CTNNA3: variants seen among roughly 807,000 people sequenced by gnomAD.
CTNNA3 encodes the protein catenin alpha-3.
In CTNNA3, 76 loss-of-function variants were observed where a neutral mutation model predicts 95.7. The ratio of observed to expected loss-of-function variants is 0.79; its 90% confidence interval spans 0.66 to 0.96. The LOEUF (loss-of-function observed/expected upper bound fraction) is 0.96. Ranked by LOEUF, CTNNA3 falls within the 40% of genes least tolerant of loss-of-function variation. The probability of loss-of-function intolerance (pLI) is 0.00; values close to 1 mark genes in which losing one functional copy is unlikely to be tolerated. For missense variants in CTNNA3, 1,191 were observed against 1,089.8 expected (o/e 1.09, Z -1.31); for synonymous variants, 431 against 374.4 (o/e 1.15, Z -1.74).
chr10:67,562,320 C>A (rs185813574), intron 3 of CTNNA3, among the ~76,000 whole-genome samples: 1 of 152,148 alleles, frequency 6.6e-6, no homozygotes, highest in Admixed American at 6.6e-5. Context: ...CGCTGGGATG[C>A]AAGGCTGGTT....
intron 5 of CTNNA3, among the ~76,000 whole-genome samples, chr10:67,432,390 C>T (rs562935874): frequency 5.9e-5 from 9 of 151,910 alleles, no homozygotes; most frequent in South Asian, 2.1e-4. Flanking sequence ...CTTAAAACAA[C>T]GTAAATTTAT....
chr10:66,600,884 GA>G (rs1439989434), intron 10 of CTNNA3, among the ~76,000 whole-genome samples: 3 of 151,864 alleles, frequency 2.0e-5, no homozygotes, highest in Non-Finnish European at 4.4e-5. Flanking sequence ...AGGGGTAGTA[GA>G]AAAGTCTATG....
chr10:67,391,851 T>C (rs911035732), intron 5 of CTNNA3, among the ~76,000 whole-genome samples: 1 of 151,530 alleles, frequency 6.6e-6, no homozygotes, highest in Non-Finnish European at 1.5e-5. Flanking sequence ...TGGCTACCCA[T>C]TTGTAGAAAG....
rs769594143 is a variant in CTNNA3, at chr10:67,606,873, C to G, written c.276G>C (p.Glu92Asp). The change falls in exon 3 of 18, where the codon GAG becomes GAC. Residue 92 changes from glutamate to aspartate, a missense_variant. Transcript: ENST00000433211. ...VLKDELTASL[E>D]EVRKESEALK... ...AGTACTCACTTTCTTTGCGAACTTC[C>G]TCAAGTGAAGCCGTAAGCTCATCCT... is the stretch of plus-strand genomic sequence containing the variant. 6.2e-7 allele frequency: 1 copy of G among 1,613,446 alleles called. No individual in the cohort carries two copies. The highest frequency in any genetic ancestry group is 8.5e-7 in the Non-Finnish European group (1 of 1,179,676).
intron 17 of CTNNA3, among the ~76,000 whole-genome samples, chr10:65,925,886 T>C (rs1047480270): frequency 8.5e-5 from 13 of 152,100 alleles, no homozygotes; most frequent in African/African-American, 2.9e-4. Context: ...TTATCACTTC[T>C]TAAGCCATCT....
At chr10:67,586,850 A>T (rs1355838780) in intron 3 of CTNNA3, among the ~76,000 whole-genome samples, 5 of 151,998 alleles carry the variant, frequency 3.3e-5, no homozygotes, top group Admixed American at 6.6e-5. Flanking sequence ...TCTAGTTTTT[A>T]AAAAAATTCT....
chr10:66,129,612 A>G (rs1471134187), intron 13 of CTNNA3, among the ~76,000 whole-genome samples: 1 of 152,126 alleles, frequency 6.6e-6, no homozygotes, highest in Non-Finnish European at 1.5e-5. Context: ...GGCAACCCTC[A>G]GTCTACTGGC....
intron 11 of CTNNA3, among the ~76,000 whole-genome samples, chr10:66,435,670 C>G (rs1303693322): frequency 6.6e-6 from 1 of 151,640 alleles, no homozygotes; most frequent in Non-Finnish European, 1.5e-5. Flanking sequence ...TTTTGTGTCT[C>G]TATCTCCTTC....
chr10:67,070,974 A>G (rs1306103650), intron 7 of CTNNA3, among the ~76,000 whole-genome samples: 1 of 152,196 alleles, frequency 6.6e-6, no homozygotes, highest in African/African-American at 2.4e-5. Flanking sequence ...AGGAATTGCA[A>G]CATGCATTCT....
At chr10:66,149,327 T>C (rs1279492343) in intron 13 of CTNNA3, among the ~76,000 whole-genome samples, 3 of 150,472 alleles carry the variant, frequency 2.0e-5, no homozygotes, top group Non-Finnish European at 4.4e-5. Context: ...ATACATAAGA[T>C]TAAAGTCAAC....
intron 5 of CTNNA3, among the ~76,000 whole-genome samples, chr10:67,478,168 T>C (rs895321548): frequency 3.9e-5 from 6 of 152,180 alleles, no homozygotes; most frequent in South Asian, 4.1e-4. Flanking sequence ...AACAAAGTCA[T>C]TGAGAATTAG....
In CTNNA3 at chr10:66,551,193, T is replaced by C. The variant is rs1473567251; in HGVS notation, c.1375-30420A>G. On this transcript the variant is annotated intron_variant, in intron 10 of 17. Transcript: ENST00000433211. ...TCTGGAAGGTAATAATTTTTCTCAA[T>C]TTTTATTTTACCTCCCTTCCTGAAT... Among the ~76,000 whole-genome samples, 6 of 152,284 alleles carry C rather than the reference T, an allele frequency of 3.9e-5. No homozygotes were observed. In the East Asian group the frequency reaches 1.2e-3, roughly 29 times the overall value.
At chr10:66,409,741 T>A (rs920236658) in intron 11 of CTNNA3, among the ~76,000 whole-genome samples, 8 of 152,262 alleles carry the variant, frequency 5.3e-5, no homozygotes, top group African/African-American at 1.9e-4. Context: ...ATCGATAATA[T>A]TTTTATAGTT....
Position 66,336,152 on chromosome 10 carries a change from C to T in CTNNA3, c.1732+43000G>A, listed in dbSNP as rs563350504. ...GTCACCCCTTTCTTTGACTAGGAAA[C>T]GGAATTCCCTGACCCCTTGTGCTTC... On this transcript the variant is annotated intron_variant, in intron 12 of 17. Transcript: ENST00000433211. 7.9e-5 allele frequency among the ~76,000 whole-genome samples: 12 copies of T among 151,598 alleles called. No homozygotes were observed. In the South Asian group the frequency reaches 8.4e-4, roughly 11 times the overall value.
chr10:66,809,278 G>A (rs187950218), intron 7 of CTNNA3, among the ~76,000 whole-genome samples: 127 of 152,192 alleles, frequency 8.3e-4, no homozygotes, highest in Middle Eastern at 3.4e-3. Context: ...ATGATATTAA[G>A]TCTTCTTATC....
chr10:66,166,056 G>A (rs937837170), intron 13 of CTNNA3, among the ~76,000 whole-genome samples: 96 of 151,842 alleles, frequency 6.3e-4, no homozygotes, highest in African/African-American at 2.1e-3. Context: ...GTGAGCCACC[G>A]CACCCAGCCA....
chr10:66,744,142 C>A (rs1367355897), intron 9 of CTNNA3, among the ~76,000 whole-genome samples: 1 of 152,086 alleles, frequency 6.6e-6, no homozygotes, highest in Admixed American at 6.6e-5. Flanking sequence ...CTAAAATGAT[C>A]CGAATCCATG....
intron 6 of CTNNA3, among the ~76,000 whole-genome samples, chr10:67,185,250 C>A (rs1862779418): frequency 6.6e-6 from 1 of 152,020 alleles, no homozygotes; most frequent in Non-Finnish European, 1.5e-5. Flanking sequence ...GCCTCAGCCT[C>A]CCAAGTAGCT....
At chr10:67,017,593 T>C (rs1198017491) in intron 7 of CTNNA3, among the ~76,000 whole-genome samples, 1 of 152,142 alleles carries the variant, frequency 6.6e-6, no homozygotes, top group African/African-American at 2.4e-5. Flanking sequence ...CAGAAACTCA[T>C]ATGGCTCTAC....
Sources: allele counts gnomAD v4.1 joint callset (sites outside exome capture counted in the v4.1 genomes callset), GRCh38; gene constraint gnomAD v4.1.1; transcripts MANE v1.5; gene names NCBI Gene and HGNC (gene_info 2026-07-23, HGNC 2026-07-21).